Variants in ST7L observed in about 807,000 individuals in gnomAD.
ST7L encodes suppressor of tumorigenicity 7 protein-like.
Under a neutral mutation model 72.5 loss-of-function variants are expected in ST7L, and 57 were observed. The observed-to-expected ratio is 0.79, with a 90% CI of 0.64 to 0.98. The LOEUF is 0.98. Ranked by LOEUF, ST7L falls within the 50% of genes least tolerant of loss-of-function variation. ST7L has a pLI of 0.00. For missense variants in ST7L, 576 were observed against 672.2 expected, an observed-to-expected ratio of 0.86 and a Z score of 1.58; for synonymous variants, 221 against 240.9, an observed-to-expected ratio of 0.92 and a Z score of 0.77.
rs1670426479 is a variant in ST7L, at chr1:112,619,056, C to A, written c.58G>T (p.Val20Phe). Residue 20 changes from valine to phenylalanine, a missense_variant, in exon 1 of 15, where the codon GTC (valine) becomes TTC (phenylalanine). Transcript: ENST00000358039. ...AAAVGASPASVPGLNPTLGWR... is the reference protein window; with the variant it reads ...AAAVGASPASFPGLNPTLGWR... Reference sequence around the variant, plus strand: ...CCTAGCGTCGGGTTTAGGCCAGGGACAGATGCAGGAGACGCTCCAACAGCT... The same window carrying A: ...CCTAGCGTCGGGTTTAGGCCAGGGAAAGATGCAGGAGACGCTCCAACAGCT... 1 of 1,613,830 alleles carries A rather than the reference C, an allele frequency of 6.2e-7. No homozygotes were observed. Among genetic ancestry groups the A allele is most frequent in the Non-Finnish European group, 8.5e-7 (1 of 1,180,018 alleles).
chr1:112,525,988 C>T lies in ST7L; in HGVS notation c.*25G>A. 14 of 1,613,248 alleles carry T rather than the reference C, an allele frequency of 8.7e-6. No homozygotes were observed. The highest frequency in any genetic ancestry group is 1.2e-5 in the Non-Finnish European group (14 of 1,179,524). On this transcript the variant is annotated 3_prime_UTR_variant, in exon 15 of 15. Transcript: ENST00000358039. ...GTTCAGAAAAATTTGGTGATTTGTC[C>T]AAGGTCACATGAACAGTGCGTGGCT...
At chr1:112,543,450 G>A (rs956866155) in intron 13 of ST7L, among the ~76,000 whole-genome samples, 1 of 152,176 alleles carries the variant, frequency 6.6e-6, no homozygotes, top group African/African-American at 2.4e-5. Flanking sequence ...CAGGAAGGCT[G>A]AGCAGGAAAA....
At chr1:112,554,098 G>T (rs925779118) in intron 12 of ST7L, among the ~76,000 whole-genome samples, 3 of 152,212 alleles carry the variant, frequency 2.0e-5, no homozygotes, top group Non-Finnish European at 4.4e-5. Flanking sequence ...TATCCAAGGT[G>T]CCTCAGAGTA....
chr1:112,581,584 T>C (rs1009725558), intron 9 of ST7L, among the ~76,000 whole-genome samples: 2 of 152,002 alleles, frequency 1.3e-5, no homozygotes, highest in African/African-American at 4.8e-5. Context: ...AAAAATTTTT[T>C]TGTAGAGACA....
intron 14 of ST7L, among the ~76,000 whole-genome samples, chr1:112,534,718 G>T (rs1315041331): frequency 6.6e-6 from 1 of 152,154 alleles, no homozygotes; most frequent in Non-Finnish European, 1.5e-5. Context: ...CTAAAACAAA[G>T]ATCAGTGTTT....
chr1:112,572,763 T>G (rs1465546438), intron 11 of ST7L, among the ~76,000 whole-genome samples: 1 of 152,124 alleles, frequency 6.6e-6, no homozygotes, highest in Non-Finnish European at 1.5e-5. Flanking sequence ...AATGTTGCTA[T>G]AGTATGCAGT....
In ST7L at chr1:112,524,848, TA is replaced by T. The variant is rs201567045; in HGVS notation, c.*1164del. On this transcript the variant is annotated 3_prime_UTR_variant, in exon 15 of 15. Transcript: ENST00000358039. ...TGCTCATCCTCCTCTCCCCAACAATTAAAAAAAAAAGCAATTAGATTTCGAT... is the reference window on the plus strand; with the variant it reads ...TGCTCATCCTCCTCTCCCCAACAATTAAAAAAAAAGCAATTAGATTTCGAT... 8.9e-5 allele frequency: 13 copies of T among 146,052 alleles called. No homozygotes were observed. Among genetic ancestry groups the T allele is most frequent in the African/African-American group, 1.3e-4 (5 of 39,802 alleles). 9.0% of individuals were successfully genotyped at this position (146,052 alleles called of 1,614,324 possible). A position where few individuals can be genotyped will look rare whatever the true frequency, so the allele number is the denominator to read the frequency against.
At chr1:112,571,391 G>A (rs752342032) in intron 11 of ST7L, 2 of 448,826 alleles carry the variant, frequency 4.5e-6, no homozygotes, top group South Asian at 3.2e-5. Context: ...AAGTGTATAT[G>A]TGTGTATGTA....
intron 3 of ST7L, among the ~76,000 whole-genome samples, chr1:112,609,959 T>C (rs948779383): frequency 2.2e-4 from 34 of 152,170 alleles, no homozygotes; most frequent in Admixed American, 6.5e-5. Context: ...AAAATTTTTT[T>C]TCCTACTTTT....
chr1:112,586,473 T>C (rs928953392), intron 6 of ST7L, among the ~76,000 whole-genome samples: 11 of 152,088 alleles, frequency 7.2e-5, no homozygotes, highest in Admixed American at 3.3e-4. Flanking sequence ...AACACTAGGC[T>C]TCCTGACTGC....
Position 112,619,037 on chromosome 1 carries a change from G to A in ST7L, c.77C>T (p.Thr26Met). The A allele has an allele frequency of 6.2e-7, 1 of 1,614,004 alleles. No individual in the cohort carries two copies. The highest frequency in any genetic ancestry group is 8.5e-7 in the Non-Finnish European group (1 of 1,179,994). ...SPASVPGLNP[T>M]LGWRERLRAG... is the part of the protein sequence containing the mutation. ...CCGCAGTCGCTCCCTCCAGCCTAGC[G>A]TCGGGTTTAGGCCAGGGACAGATGC... is the stretch of plus-strand genomic sequence containing the variant. Residue 26 changes from threonine to methionine, a missense_variant, in exon 1 of 15, where the codon ACG becomes ATG. By Grantham distance (81) the Thr-to-Met change is moderately conservative. Coordinates refer to ENST00000358039, the MANE Select transcript of ST7L (RefSeq NM_017744.5).
intron 13 of ST7L, among the ~76,000 whole-genome samples, chr1:112,544,744 C>A (rs1245413112): frequency 6.6e-6 from 1 of 152,164 alleles, no homozygotes; most frequent in Non-Finnish European, 1.5e-5. Flanking sequence ...AGTATTCTCA[C>A]TTTATAAGGT....
chr1:112,599,076 ATATAT>A lies in ST7L; in HGVS notation c.507-995_507-991del, dbSNP rs1558040675. Among the ~76,000 whole-genome samples the A allele has an allele frequency of 3.9e-3, 168 of 42,716 alleles. 19 individuals carry two copies. Among genetic ancestry groups the A allele is most frequent in the African/African-American group, 0.011 (115 of 10,004 alleles). The allele number at this position is 42,716 out of a possible 152,430, so 28.0% of individuals were successfully genotyped here. Reference sequence around the variant, plus strand: ...CTCAGCCTCAAAAAAAAAAAAAAATATATATATATATATATATATATATATATATA... The same window carrying A: ...CTCAGCCTCAAAAAAAAAAAAAAATAATATATATATATATATATATATATA... On this transcript the variant is annotated intron_variant, in intron 4 of 14. Transcript: ENST00000358039.
chr1:112,572,367 A>G (rs1662291065), intron 11 of ST7L, among the ~76,000 whole-genome samples: 1 of 152,212 alleles, frequency 6.6e-6, no homozygotes, highest in Non-Finnish European at 1.5e-5. Flanking sequence ...TGAAGCCAGG[A>G]ACAACTTCTC....
chr1:112,520,658 G>A (rs1652823528), downstream of ST7L: 2 of 808,462 alleles, frequency 2.5e-6, no homozygotes, highest in South Asian at 3.6e-5. Context: ...GGACCATGGT[G>A]TCCTGGCTGG....
chr1:112,600,588 T>C (rs1264923374), intron 4 of ST7L, among the ~76,000 whole-genome samples: 3 of 151,820 alleles, frequency 2.0e-5, no homozygotes, highest in Non-Finnish European at 4.4e-5. Context: ...AGGGCAAGAC[T>C]CTATCTCTAA....
intron 3 of ST7L, among the ~76,000 whole-genome samples, chr1:112,609,777 G>A (rs1668792301): frequency 6.6e-6 from 1 of 152,056 alleles, no homozygotes; most frequent in Non-Finnish European, 1.5e-5. Context: ...AGCCGAGATC[G>A]CACCACTGCA....
chr1:112,549,553 T>C (rs917103078), intron 13 of ST7L, among the ~76,000 whole-genome samples: 21 of 152,320 alleles, frequency 1.4e-4, no homozygotes, highest in Admixed American at 6.5e-4. Flanking sequence ...GTTGCTACTA[T>C]GATTGCTATT....
chr1:112,616,749 G>GAA, intron 2 of ST7L, 64 bp downstream of exon 2: 157 of 1,023,392 alleles, frequency 1.5e-4, no homozygotes, highest in Admixed American at 2.9e-4. Flanking sequence ...TCTCAAAAAA[G>GAA]AAAAAAAAAA....
Sources: allele counts gnomAD v4.1 joint callset (sites outside exome capture counted in the v4.1 genomes callset), GRCh38; gene constraint gnomAD v4.1.1; transcripts MANE v1.5; gene names NCBI Gene and HGNC (gene_info 2026-07-23, HGNC 2026-07-21).